The following OSBPL9 variants were observed in gnomAD, a reference collection of about 807,000 sequenced individuals.
The protein encoded by OSBPL9 is oxysterol binding protein like 9.
In OSBPL9, 40 loss-of-function variants were observed where a neutral mutation model predicts 106.6. That is an observed-to-expected ratio of 0.38 (90% CI 0.29 to 0.49). The LOEUF (loss-of-function observed/expected upper bound fraction) is 0.49, where lower values mean the gene tolerates loss of function less well. OSBPL9 is among the 20% of genes least tolerant of loss of function. The pLI is 0.97. For synonymous variants in OSBPL9, 269 were observed against 295.4 expected (o/e 0.91, Z 0.92); for missense variants, 609 against 887.2 (o/e 0.69, Z 3.98).
intron 4 of OSBPL9, among the ~76,000 whole-genome samples, chr1:51,731,401 T>C (rs1242232023): frequency 6.6e-6 from 1 of 152,140 alleles, no homozygotes; most frequent in East Asian, 1.9e-4. Flanking sequence ...CGGTGAGCTA[T>C]GATTGCACCG....
intron 3 of OSBPL9, among the ~76,000 whole-genome samples, chr1:51,680,645 A>AGT (rs1652337001): frequency 6.6e-6 from 1 of 152,054 alleles, no homozygotes; most frequent in Non-Finnish European, 1.5e-5. Flanking sequence ...TGGGTGACAG[A>AGT]GTGAGACCCT....
chr1:51,774,081 G>A (rs1359031749), intron 14 of OSBPL9, among the ~76,000 whole-genome samples: 1 of 152,096 alleles, frequency 6.6e-6, no homozygotes, highest in East Asian at 1.9e-4. Context: ...CCACTGGCAA[G>A]GGGGAGGCTA....
At chr1:51,554,049 G>A in the OSBPL9 span, among the ~76,000 whole-genome samples, 73 of 152,328 alleles carry the variant, frequency 4.8e-4, no homozygotes, top group African/African-American at 1.5e-3. Context: ...CTAGCTACTC[G>A]AGAGGCTAAG....
At chr1:51,771,527 T>A (rs886365932) in intron 12 of OSBPL9, among the ~76,000 whole-genome samples, 6 of 152,192 alleles carry the variant, frequency 3.9e-5, no homozygotes, top group Non-Finnish European at 2.9e-5. Context: ...CGGTAAATTA[T>A]GATCACAGGT....
Position 51,714,004 on chromosome 1 carries a change from C to T in OSBPL9, c.243C>T (p.Ala81=). ...TVDQKTFHFQ[A]RDADEREKWI... The stretch of plus-strand genomic sequence containing the variant: ...TTAATGTATAATCTTTTATTCCAGC[C>T]CGTGATGCTGATGAGCGAGAGAAGT... Residue 81 remains alanine, a splice_region_variant and synonymous_variant, in exon 4 of 24, where the codon GCC becomes GCT. Coordinates refer to ENST00000428468, the MANE Select transcript of OSBPL9 (RefSeq NM_024586.6). 1 of 1,604,096 alleles carries T rather than the reference C, an allele frequency of 6.2e-7. No individual in the cohort carries two copies. The highest frequency in any genetic ancestry group is 1.1e-5 in the South Asian group (1 of 88,900).
intron 4 of OSBPL9, among the ~76,000 whole-genome samples, chr1:51,738,391 T>G (rs547449548): frequency 6.6e-6 from 1 of 152,092 alleles, no homozygotes; most frequent in South Asian, 2.1e-4. Flanking sequence ...AACCTTTCTT[T>G]GTAAATTTAA....
upstream of OSBPL9, among the ~76,000 whole-genome samples, chr1:51,574,573 T>C (rs1162580882): frequency 6.6e-6 from 1 of 151,934 alleles, no homozygotes; most frequent in Non-Finnish European, 1.5e-5. Flanking sequence ...GAGCCGAGAA[T>C]GCACCATTGC....
At chr1:51,609,355 T>G (rs1372290059) in intron 2 of OSBPL9, among the ~76,000 whole-genome samples, 1 of 151,418 alleles carries the variant, frequency 6.6e-6, no homozygotes, top group Non-Finnish European at 1.5e-5. Context: ...TTTTTTTTTT[T>G]TTTTTAGAGA....
chr1:51,593,504 A>G (rs1351518213), intron 1 of OSBPL9, among the ~76,000 whole-genome samples: 1 of 152,106 alleles, frequency 6.6e-6, no homozygotes, highest in Non-Finnish European at 1.5e-5. Context: ...TTCCCTGAAG[A>G]TGCCACTGCT....
At chr1:51,676,760 G>A (rs1438806602) in intron 3 of OSBPL9, among the ~76,000 whole-genome samples, 2 of 151,478 alleles carry the variant, frequency 1.3e-5, no homozygotes, top group East Asian at 1.9e-4. Flanking sequence ...CACAATGTAT[G>A]TATACTTCAA....
At chr1:51,608,581 G>C (rs1643964638) in intron 2 of OSBPL9, among the ~76,000 whole-genome samples, 1 of 151,714 alleles carries the variant, frequency 6.6e-6, no homozygotes. Context: ...AGGATTACAG[G>C]CATGAGCCAC....
At chr1:51,731,265 TC>T (rs998956439) in intron 4 of OSBPL9, among the ~76,000 whole-genome samples, 1 of 150,526 alleles carries the variant, frequency 6.6e-6, no homozygotes, top group Non-Finnish European at 1.5e-5. Context: ...GCCAGAACCT[TC>T]CCCCCGCCCC....
the OSBPL9 span, among the ~76,000 whole-genome samples, chr1:51,535,832 G>T: frequency 2.0e-5 from 3 of 152,010 alleles, no homozygotes; most frequent in Non-Finnish European, 2.9e-5. Flanking sequence ...CTACCAAAGT[G>T]CTGGGATTAC....
chr1:51,762,507 T>C (rs1671740657), intron 11 of OSBPL9, among the ~76,000 whole-genome samples: 1 of 152,194 alleles, frequency 6.6e-6, no homozygotes, highest in Non-Finnish European at 1.5e-5. Flanking sequence ...TGTTTGTTTG[T>C]TACCTTAACA....
chr1:51,606,948 G>A (rs1382674148), intron 2 of OSBPL9, among the ~76,000 whole-genome samples: 1 of 151,898 alleles, frequency 6.6e-6, no homozygotes, highest in African/African-American at 2.4e-5. Flanking sequence ...TACTCGGGAG[G>A]CTGAGGCAGG....
chr1:51,571,525 G>C, the OSBPL9 span, among the ~76,000 whole-genome samples: 1 of 152,064 alleles, frequency 6.6e-6, no homozygotes, highest in African/African-American at 2.4e-5. Context: ...AAATTAGTTG[G>C]GGATGGTGGT....
At chr1:51,647,851 G>A (rs941249705) in intron 1 of OSBPL9, among the ~76,000 whole-genome samples, 23 of 151,986 alleles carry the variant, frequency 1.5e-4, no homozygotes, top group South Asian at 8.3e-4. Context: ...ACAGTGGCTC[G>A]CACCTGTAGT....
chr1:51,723,164 A>G (rs1662462266), intron 4 of OSBPL9, among the ~76,000 whole-genome samples: 1 of 152,206 alleles, frequency 6.6e-6, no homozygotes, highest in Non-Finnish European at 1.5e-5. Flanking sequence ...TTATCACTCA[A>G]GGTCCGTAGT....
chr1:51,702,045 C>T (rs1557708456), intron 3 of OSBPL9, among the ~76,000 whole-genome samples: 4 of 152,122 alleles, frequency 2.6e-5, no homozygotes, highest in East Asian at 1.9e-4. Flanking sequence ...TCCAGTCTAT[C>T]GTTGTTGGAC....
Sources: gnomAD v4.1 joint callset for allele counts (sites outside exome capture counted in the v4.1 genomes callset) on GRCh38, gnomAD v4.1.1 for gene constraint, MANE v1.5 for transcripts, NCBI Gene and HGNC (gene_info 2026-07-23, HGNC 2026-07-21) for gene names.